The following FAM78B variants were observed in gnomAD, a reference collection of about 807,000 sequenced individuals.
The protein encoded by FAM78B is family with sequence similarity 78 member B.
In FAM78B, 10 loss-of-function variants were observed where a neutral mutation model predicts 20.0. The ratio of observed to expected loss-of-function variants is 0.50; its 90% confidence interval spans 0.31 to 0.85. The LOEUF (loss-of-function observed/expected upper bound fraction) is 0.85, where lower values mean the gene tolerates loss of function less well. Among genes scored for constraint, FAM78B ranks in the 40% least tolerant of loss-of-function variants. The probability of loss-of-function intolerance (pLI) is 0.05; values close to 1 mark genes in which losing one functional copy is unlikely to be tolerated. For missense variants in FAM78B, 283 were observed against 345.0 expected (o/e 0.82, Z 1.42); for synonymous variants, 135 against 132.8 (o/e 1.02, Z -0.12).
At chr1:166,156,155 C>A (rs73046953) in intron 1 of FAM78B, among the ~76,000 whole-genome samples, 346 of 152,362 alleles carry the variant, frequency 2.3e-3, no homozygotes, top group African/African-American at 7.8e-3. Flanking sequence ...AGAGGCTTTG[C>A]GAGGCAGGCC....
chr1:166,132,244 T>C (rs572523062), intron 1 of FAM78B, among the ~76,000 whole-genome samples: 2 of 152,300 alleles, frequency 1.3e-5, no homozygotes, highest in African/African-American at 4.8e-5. Context: ...TGTTTTGGTT[T>C]TTCTGTCCTC....
intron 1 of FAM78B, chr1:166,154,675 G>A: frequency 3.8e-6 from 2 of 520,054 alleles, no homozygotes. Context: ...ACAGGGGGAG[G>A]TGACCACTGA....
chr1:166,160,561 G>C (rs573503144), intron 1 of FAM78B, among the ~76,000 whole-genome samples: 1 of 152,208 alleles, frequency 6.6e-6, no homozygotes, highest in Non-Finnish European at 1.5e-5. Context: ...AAAGCACAGC[G>C]GAGTTAAACT....
intron 1 of FAM78B, among the ~76,000 whole-genome samples, chr1:166,071,041 G>C (rs1652007119): frequency 1.3e-5 from 2 of 152,212 alleles, no homozygotes; most frequent in Non-Finnish European, 2.9e-5. Context: ...AGACCACAAA[G>C]AGACATCAAC....
At chr1:166,143,852 G>A (rs757614381) in intron 1 of FAM78B, among the ~76,000 whole-genome samples, 41 of 152,104 alleles carry the variant, frequency 2.7e-4, no homozygotes, top group Non-Finnish European at 5.1e-4. Context: ...CAAACACTTC[G>A]CATGGAGCAA....
At chr1:166,157,935 T>C (rs921034263) in intron 1 of FAM78B, among the ~76,000 whole-genome samples, 2 of 152,180 alleles carry the variant, frequency 1.3e-5, no homozygotes, top group Admixed American at 1.3e-4. Context: ...CTGCTGTCTT[T>C]ACTCCTGGCC....
At chr1:166,083,012 G>C (rs1652642556) in intron 1 of FAM78B, among the ~76,000 whole-genome samples, 1 of 152,216 alleles carries the variant, frequency 6.6e-6, no homozygotes, top group African/African-American at 2.4e-5. Context: ...ATTCAATCCA[G>C]CCCATGGCAG....
At chr1:166,083,102 T>G (rs1318060787) in intron 1 of FAM78B, among the ~76,000 whole-genome samples, 1 of 152,232 alleles carries the variant, frequency 6.6e-6, no homozygotes, top group Non-Finnish European at 1.5e-5. Context: ...GTGTGTTTTT[T>G]TCCTTCTTAT....
chr1:166,095,188 T>C (rs1312565680), intron 1 of FAM78B, among the ~76,000 whole-genome samples: 1 of 152,000 alleles, frequency 6.6e-6, no homozygotes, highest in Non-Finnish European at 1.5e-5. Context: ...CTCAGGGTGG[T>C]TGCATTTCCC....
intron 1 of FAM78B, among the ~76,000 whole-genome samples, chr1:166,075,926 CA>C (rs1652252534): frequency 6.6e-6 from 1 of 152,166 alleles, no homozygotes; most frequent in Non-Finnish European, 1.5e-5. Flanking sequence ...CACTCTTGGC[CA>C]CTCTCTCACA....
At chr1:166,119,974 C>G (rs1329866519) in intron 1 of FAM78B, among the ~76,000 whole-genome samples, 2 of 152,186 alleles carry the variant, frequency 1.3e-5, no homozygotes, top group African/African-American at 4.8e-5. Context: ...GTTTGGGGCT[C>G]AGCCTGTGGA....
chr1:166,100,379 C>T (rs1018609509), intron 1 of FAM78B, among the ~76,000 whole-genome samples: 2 of 152,142 alleles, frequency 1.3e-5, no homozygotes, highest in African/African-American at 2.4e-5. Flanking sequence ...TAGCATGAGC[C>T]GAAGCAGGGC....
downstream of FAM78B, among the ~76,000 whole-genome samples, chr1:166,067,195 G>A (rs1308612840): frequency 6.6e-6 from 1 of 152,070 alleles, no homozygotes; most frequent in Non-Finnish European, 1.5e-5. Context: ...CATGTTGTGA[G>A]ATGAAATTTG....
At chr1:166,065,148 C>G (rs756728498), downstream of FAM78B, among the ~76,000 whole-genome samples, 3 of 152,230 alleles carry the variant, frequency 2.0e-5, no homozygotes, top group Non-Finnish European at 2.9e-5. Flanking sequence ...GCCTGATAAA[C>G]AGTAGTGGCT....
intron 1 of FAM78B, among the ~76,000 whole-genome samples, chr1:166,090,947 AACTT>A (rs1186309232): frequency 6.6e-6 from 1 of 152,114 alleles, no homozygotes; most frequent in African/African-American, 2.4e-5. Context: ...AGCTGGTACT[AACTT>A]TATTTCCATT....
In FAM78B at chr1:166,154,168, C is replaced by T. The variant is rs927487744; in HGVS notation, c.263+11818G>A. Among the ~76,000 whole-genome samples the T allele has an allele frequency of 5.9e-5, 9 of 152,274 alleles. No individual in the cohort carries two copies. The South Asian group carries it at 6.2e-4, about 11-fold the overall frequency. ...CCCCCTCACAATCTGTCATCTTTGA[C>T]GCTACTTGGATCTTATTTCTTCTAG... is the stretch of plus-strand genomic sequence containing the variant. On this transcript the variant is annotated intron_variant, in intron 1 of 1. Coordinates refer to ENST00000354422, the MANE Select transcript of FAM78B (RefSeq NM_001017961.5).
rs955128582 is a variant in FAM78B at position 166,069,473 on chromosome 1, A to G, written c.*768T>C. ...AAACATGGACAGGGCCCCAAATATC[A>G]TAACTATTGCAGAATGTGGGAATTA... is the stretch of plus-strand genomic sequence containing the variant. On this transcript the variant is annotated 3_prime_UTR_variant, in exon 2 of 2. Transcript: ENST00000354422. The G allele has an allele frequency of 6.6e-6, 1 of 152,230 alleles. No homozygotes were observed. The highest frequency in any genetic ancestry group is 2.4e-5 in the African/African-American group (1 of 41,454). 9.4% of individuals were successfully genotyped at this position (152,230 alleles called of 1,614,324 possible).
At position 166,160,719 on chromosome 1, in the gene FAM78B, G is replaced by A. The variant is rs1529642; in HGVS notation, c.263+5267C>T. The stretch of plus-strand genomic sequence containing the variant: ...TTGAGGTCAGAAAAATAGTTTATTC[G>A]TTTATTTTGTATCAAATGTTTCTTG... On this transcript the variant is annotated intron_variant, in intron 1 of 1. Transcript: ENST00000354422. 1.2e-3 allele frequency among the ~76,000 whole-genome samples: 176 copies of A among 152,158 alleles called. 1 individual carries two copies. Among genetic ancestry groups the A allele is most frequent in the African/African-American group, 3.1e-3 (128 of 41,498 alleles).
In FAM78B at chr1:166,154,287, G is replaced by T. The variant is rs182346609; in HGVS notation, c.263+11699C>A. Among the ~76,000 whole-genome samples the T allele has an allele frequency of 1.6e-4, 24 of 152,358 alleles. 1 individual carries two copies. In the South Asian group the frequency reaches 2.9e-3, roughly 18 times the overall value. On this transcript the variant is annotated intron_variant, in intron 1 of 1. Coordinates refer to ENST00000354422, the MANE Select transcript of FAM78B (RefSeq NM_001017961.5). ...CAGCACCAGGGCTAGGGTAAGGGGG[G>T]TATTGAGGGGTGGAAGAAAGGGATT... is the stretch of plus-strand genomic sequence containing the variant.
Sources: gnomAD v4.1 joint callset for allele counts (sites outside exome capture counted in the v4.1 genomes callset) on GRCh38, gnomAD v4.1.1 for gene constraint, MANE v1.5 for transcripts, NCBI Gene and HGNC (gene_info 2026-07-23, HGNC 2026-07-21) for gene names.